Variants in SYT3 observed in about 807,000 individuals in gnomAD.
SYT3 encodes the protein synaptotagmin 3.
Under a neutral mutation model 50.6 loss-of-function variants are expected in SYT3, and 25 were observed. The ratio of observed to expected loss-of-function variants is 0.49; its 90% CI spans 0.36 to 0.69. The LOEUF (loss-of-function observed/expected upper bound fraction) is 0.69. Ranked by LOEUF, SYT3 falls within the 30% of genes least tolerant of loss-of-function variation. SYT3 has a pLI of 0.00. For synonymous variants in SYT3, 323 were observed against 353.9 expected, an observed-to-expected ratio of 0.91 and a Z score of 0.98; for missense variants, 589 against 793.6, an observed-to-expected ratio of 0.74 and a Z score of 3.10.
In SYT3 at chr19:50,638,574, T is replaced by C. The variant is rs1984568845; in HGVS notation, c.-16+451A>G. Among the ~76,000 whole-genome samples the C allele has an allele frequency of 4.6e-5, 7 of 151,934 alleles. No homozygotes were observed. The South Asian group carries it at 1.5e-3, about 32-fold the overall frequency. The stretch of plus-strand genomic sequence containing the variant: ...GAAAGTCAAGGATTGAGACTTGGGA[T>C]GGACAGTGACAAGGAATGAACCGAG... On this transcript the variant is annotated intron_variant, in intron 2 of 10. Coordinates refer to ENST00000600079, the MANE Select transcript of SYT3 (RefSeq NM_001160329.2).
upstream of SYT3, among the ~76,000 whole-genome samples, chr19:50,641,201 A>T (rs1398984145): frequency 1.1e-3 from 126 of 118,848 alleles, 3 homozygotes; most frequent in Non-Finnish European, 2.3e-4. Context: ...TTTTTGTGAG[A>T]CAGAGTCTTG....
intron 6 of SYT3, among the ~76,000 whole-genome samples, chr19:50,626,482 G>A (rs369028798): frequency 1.4e-4 from 19 of 138,288 alleles, no homozygotes; most frequent in Non-Finnish European, 2.8e-4. Context: ...GAGAGAGAGG[G>A]GGACAGAGGC....
chr19:50,649,487 A>G, the SYT3 span: 1 of 1,536,242 alleles, frequency 6.5e-7, no homozygotes, highest in Non-Finnish European at 8.7e-7. Context: ...TGCCATGGGC[A>G]GCCCCACCAT....
rs553969864 is a variant in SYT3 at position 50,632,467 on chromosome 19, C to A, written c.493G>T (p.Asp165Tyr). The A allele has an allele frequency of 6.2e-7, 1 of 1,613,432 alleles. No homozygotes were observed. The highest frequency in any genetic ancestry group is 1.1e-5 in the South Asian group (1 of 91,078). The change falls in exon 4 of 11, where the codon GAC becomes TAC. Residue 165 changes from aspartate to tyrosine, a missense_variant. Physicochemically the swap from Asp to Tyr is radical, Grantham distance 160. This residue lies in a region of SYT3 where 316 missense variants were observed against 354.3 expected (regional missense o/e 0.89). Transcript: ENST00000600079. This position sits in a 1 kb window ranked among gnomAD's most constrained non-coding sequence, Gnocchi z 4.7. ...DTPEPSYLDMDSYPEAAAAAV... is the reference protein window; with the variant it reads ...DTPEPSYLDMYSYPEAAAAAV... ...GCTGCTGCAGCCTCTGGATACGAGT[C>A]CATGTCCAAGTAGGAGGGCTCAGGG...
intron 9 of SYT3, 174 bp downstream of exon 9, chr19:50,624,988 C>T: frequency 1.9e-6 from 1 of 536,202 alleles, no homozygotes. Context: ...AATTGAGGCA[C>T]AGAGCGCTTG....
In SYT3 at chr19:50,632,125, T is replaced by G. The variant is rs1277869886; in HGVS notation, c.674+161A>C. ...CCCCACAGCCCCAACCTCCCTCAGA[T>G]CCAGGAGTCTAGGGCCCCAGCCTCC... On this transcript the variant is annotated intron_variant, in intron 4 of 10. Transcript: ENST00000600079. The surrounding 1 kb of genome is among the most constrained non-coding windows in gnomAD (Gnocchi z 4.7). Among the ~76,000 whole-genome samples the G allele has an allele frequency of 6.6e-6, 1 of 151,858 alleles. No homozygotes were observed. The highest frequency in any genetic ancestry group is 1.5e-5 in the Non-Finnish European group (1 of 67,954).
At chr19:50,639,933 A>C (rs915158947), upstream of SYT3, 1 of 153,004 alleles carries the variant, frequency 6.5e-6, no homozygotes, top group African/African-American at 2.4e-5. This position sits in a 1 kb window ranked among gnomAD's most constrained non-coding sequence, Gnocchi z 4.6. Flanking sequence ...CCCACTCCGA[A>C]CCCGCGGCAA....
Position 50,630,092 on chromosome 19 carries a change from C to A in SYT3, c.754G>T (p.Ala252Ser). 6.2e-7 allele frequency: 1 copy of A among 1,611,360 alleles called. No individual in the cohort carries two copies. Among genetic ancestry groups the A allele is most frequent in the Non-Finnish European group, 8.5e-7 (1 of 1,178,324 alleles). The change falls in exon 5 of 11, where the codon GCC (alanine) becomes TCC (serine). Residue 252 changes from alanine to serine, a missense_variant. Ala to Ser is a moderately conservative substitution (Grantham distance 99). Transcript: ENST00000600079. ...CCTCCAGGCAGGGGTAAGGGCAGGG[C>A]AGGTGGCCGCTCCTCACTGCTGGGG... ...PDPSSEERPP[A>S]LPLPLPGGEE...
At chr19:50,652,476 C>A in the SYT3 span, among the ~76,000 whole-genome samples, 1 of 152,004 alleles carries the variant, frequency 6.6e-6, no homozygotes, top group African/African-American at 2.4e-5. Context: ...ATCAGTGGAC[C>A]CTCAGGGAGA....
In SYT3 at chr19:50,637,255, G is replaced by A. The variant is rs771079832; in HGVS notation, c.148+9C>T. On this transcript the variant is annotated intron_variant, in intron 3 of 10. Coordinates refer to ENST00000600079, the MANE Select transcript of SYT3 (RefSeq NM_001160329.2). This position sits in a 1 kb window ranked among gnomAD's most constrained non-coding sequence, Gnocchi z 4.9. The stretch of plus-strand genomic sequence containing the variant: ...CAGGGGGCTGGCCAAGACAGGCAGG[G>A]GTGCTGACCTGCATCTGGACCCCGG... 5.0e-6 allele frequency: 8 copies of A among 1,611,512 alleles called. No homozygotes were observed. The Admixed American group carries it at 1.2e-4, about 24-fold the overall frequency.
At chr19:50,648,845 G>C in the SYT3 span, among the ~76,000 whole-genome samples, 2 of 152,162 alleles carry the variant, frequency 1.3e-5, no homozygotes, top group East Asian at 3.9e-4. Context: ...ACAGAAAGGG[G>C]ATGACAGAGG....
At chr19:50,626,386 G>T (rs1266155963) in intron 6 of SYT3, among the ~76,000 whole-genome samples, 1 of 152,114 alleles carries the variant, frequency 6.6e-6, no homozygotes, top group Admixed American at 6.6e-5. Context: ...TCTCAAGTCA[G>T]AGGGACAGAG....
At chr19:50,636,153 C>T (rs754814473) in intron 3 of SYT3, among the ~76,000 whole-genome samples, 40 of 152,128 alleles carry the variant, frequency 2.6e-4, no homozygotes, top group Non-Finnish European at 5.3e-4. Flanking sequence ...ACTCTGGAGG[C>T]TGAGGCAGGA....
At chr19:50,649,401 T>G in the SYT3 span, 1 of 1,530,632 alleles carries the variant, frequency 6.5e-7, no homozygotes, top group Non-Finnish European at 8.8e-7. Flanking sequence ...AGGCAGAGCC[T>G]CTCTTGCCAC....
At position 50,637,503 on chromosome 19, in the gene SYT3, A is replaced by T; in HGVS notation, c.-15-77T>A. 1 of 1,330,210 alleles carries T rather than the reference A, an allele frequency of 7.5e-7. No individual in the cohort carries two copies. The highest frequency in any genetic ancestry group is 2.2e-5 in the Admixed American group (1 of 46,066). 82.4% of individuals were successfully genotyped at this position (1,330,210 alleles called of 1,614,324 possible). ...TGCAGGGTGGGCAGGTGTGGAGATA[A>T]GGGTGGAAAGAGACACCGAGAAAAG... On this transcript the variant is annotated intron_variant, in intron 2 of 10. Transcript: ENST00000600079. The surrounding 1 kb of genome is among the most constrained non-coding windows in gnomAD (Gnocchi z 4.9).
At position 50,625,651 on chromosome 19, in the gene SYT3, C is replaced by T; in HGVS notation, c.1403-87G>A. On this transcript the variant is annotated intron_variant, in intron 7 of 10. Coordinates refer to ENST00000600079, the MANE Select transcript of SYT3 (RefSeq NM_001160329.2). This position sits in a 1 kb window ranked among gnomAD's most constrained non-coding sequence, Gnocchi z 7.5. ...CCCAGGCCCCGAGCCCCTCCTCCCT[C>T]AGACCCAGAGGTCCGGGGCCCCAGG... is the stretch of plus-strand genomic sequence containing the variant. 1 of 1,474,570 alleles carries T rather than the reference C, an allele frequency of 6.8e-7. No homozygotes were observed. The highest frequency in any genetic ancestry group is 9.0e-7 in the Non-Finnish European group (1 of 1,112,172). The allele number at this position is 1,474,570 out of a possible 1,614,324, so 91.3% of individuals were successfully genotyped here. A position where few individuals can be genotyped will look rare whatever the true frequency, so the allele number is the denominator to read the frequency against.
intron 10 of SYT3, 51 bp from the exon 11 acceptor site, chr19:50,622,532 C>T: frequency 1.6e-6 from 1 of 632,664 alleles, no homozygotes. Context: ...AGAACTGCAC[C>T]ACGACCTCCT....
the SYT3 span, among the ~76,000 whole-genome samples, chr19:50,651,136 G>T: frequency 6.6e-6 from 1 of 152,196 alleles, no homozygotes; most frequent in South Asian, 2.1e-4. Flanking sequence ...AAACGGCCTG[G>T]CTTGTTCTCA....
At chr19:50,626,873 G>C (rs1243194686) in intron 6 of SYT3, among the ~76,000 whole-genome samples, 1 of 151,774 alleles carries the variant, frequency 6.6e-6, no homozygotes, top group African/African-American at 2.4e-5. Context: ...TAGTTACCTA[G>C]AATTAGAGTG....
Sources: allele counts gnomAD v4.1 joint callset (sites outside exome capture counted in the v4.1 genomes callset), GRCh38; gene constraint gnomAD v4.1.1; regional missense constraint gnomAD v4.1.1; non-coding constraint Gnocchi (gnomAD v3.1); transcripts MANE v1.5; gene names NCBI Gene and HGNC (gene_info 2026-07-23, HGNC 2026-07-21).